UBE2J2: variants seen among roughly 807,000 people sequenced by gnomAD.
The protein encoded by UBE2J2 is ubiquitin-conjugating enzyme E2 J2.
Under a neutral mutation model 28.6 loss-of-function variants are expected in UBE2J2, and 5 were observed. The ratio of observed to expected loss-of-function variants is 0.17; its 90% CI spans 0.09 to 0.37. The LOEUF (loss-of-function observed/expected upper bound fraction) is 0.37, where lower values mean the gene tolerates loss of function less well. UBE2J2 is among the 10% of genes least tolerant of loss of function. The pLI is 1.00. For synonymous variants in UBE2J2, 138 were observed against 139.7 expected (o/e 0.99, Z 0.09); for missense variants, 226 against 338.9 (o/e 0.67, Z 2.62).
At chr1:1,263,130 G>A (rs115272858) in intron 3 of UBE2J2, 10,076 of 543,072 alleles carry the variant, frequency 0.019, 153 homozygotes, top group South Asian at 0.028. Context: ...GAACACAGAC[G>A]CTACAGGCGG....
intron 3 of UBE2J2, 80 bp from the exon 4 acceptor site, chr1:1,257,390 G>GC (rs1281055335): frequency 4.1e-4 from 72 of 177,626 alleles, no homozygotes; most frequent in Middle Eastern, 1.4e-3. Context: ...ATCCCCCCAC[G>GC]CCACCCCCCC....
chr1:1,264,046 T>A (rs1272812233), intron 2 of UBE2J2, among the ~76,000 whole-genome samples: 1 of 152,214 alleles, frequency 6.6e-6, no homozygotes, highest in Non-Finnish European at 1.5e-5. Context: ...TTATATATAA[T>A]GTGTTTTTTG....
At chr1:1,260,490 G>C (rs964260003) in intron 3 of UBE2J2, among the ~76,000 whole-genome samples, 12 of 151,958 alleles carry the variant, frequency 7.9e-5, no homozygotes, top group Non-Finnish European at 7.4e-5. Flanking sequence ...CTCACTGCGC[G>C]CACACCTATC....
In UBE2J2 at chr1:1,259,673, C is replaced by T. The variant is rs148750456; in HGVS notation, c.173-2363G>A. 7.0e-4 allele frequency among the ~76,000 whole-genome samples: 107 copies of T among 152,310 alleles called. 1 individual carries two copies. In the East Asian group the frequency reaches 0.017, roughly 24 times the overall value. On this transcript the variant is annotated intron_variant, in intron 3 of 6. Coordinates refer to ENST00000349431, the MANE Select transcript of UBE2J2 (RefSeq NM_058167.3). ...CATCCCCCTTCCTCGAGCTGATCCA[C>T]CCAGACGCCCGCCCTACGCACTGTC...
chr1:1,255,597 CTGTG>C, intron 6 of UBE2J2, 110 bp from the exon 7 acceptor site: 1 of 1,352,126 alleles, frequency 7.4e-7, no homozygotes, highest in Non-Finnish European at 1.0e-6. Context: ...AAGCCCTAGG[CTGTG>C]TCAAATTCCG....
Position 1,254,604 on chromosome 1 carries a change from A to AC in UBE2J2, c.*598dup, listed in dbSNP as rs56735717. 6.6e-6 allele frequency: 1 copy of AC among 151,984 alleles called. No individual in the cohort carries two copies. Among genetic ancestry groups the AC allele is most frequent in the East Asian group, 1.9e-4 (1 of 5,172 alleles). The allele number at this position is 151,984 out of a possible 1,614,324, so 9.4% of individuals were successfully genotyped here. A position where few individuals can be genotyped will look rare whatever the true frequency, so the allele number is the denominator to read the frequency against. On this transcript the variant is annotated 3_prime_UTR_variant, in exon 7 of 7. Coordinates refer to ENST00000349431, the MANE Select transcript of UBE2J2 (RefSeq NM_058167.3). ...GCTCCTGGCTTCCAGGGCAGCAAAA[A>AC]CCCCCAAGCACTTTCTAGAAGGAAT...
intron 3 of UBE2J2, chr1:1,262,157 G>C: frequency 3.0e-6 from 1 of 334,858 alleles, no homozygotes; most frequent in Non-Finnish European, 6.0e-6. Flanking sequence ...GCGCCCGGCC[G>C]ACCACTACTC....
In UBE2J2 at chr1:1,268,844, ATTTTTTT is replaced by A. The variant is rs371622000; in HGVS notation, c.1-859_1-853del. 0.022 allele frequency among the ~76,000 whole-genome samples: 3,177 copies of A among 147,078 alleles called. 111 individuals are homozygous for A. Among genetic ancestry groups the A allele is most frequent in the African/African-American group, 0.072 (2,894 of 40,446 alleles). ...AGACGCATGCCACCACGCCTAGCTA[ATTTTTTT>A]TTTTTTGTAGAGCTGGGATCTCACT... On this transcript the variant is annotated intron_variant, in intron 1 of 6. Transcript: ENST00000349431. This position sits in a 1 kb window ranked among gnomAD's most constrained non-coding sequence, Gnocchi z 4.7.
chr1:1,255,582 G>C lies in UBE2J2; in HGVS notation c.496-95C>G, dbSNP rs982073235. The C allele has an allele frequency of 2.1e-6, 3 of 1,417,476 alleles. No individual in the cohort carries two copies. The African/African-American group carries it at 4.3e-5, about 20-fold the overall frequency. 87.8% of individuals were successfully genotyped at this position (1,417,476 alleles called of 1,614,324 possible). Reference sequence around the variant, plus strand: ...TCAGGAGTCCACGGTCCACCACCAAGAACCAAGCCCTAGGCTGTGTCAAAT... The same window carrying C: ...TCAGGAGTCCACGGTCCACCACCAACAACCAAGCCCTAGGCTGTGTCAAAT... On this transcript the variant is annotated intron_variant, in intron 6 of 6. Coordinates refer to ENST00000349431, the MANE Select transcript of UBE2J2 (RefSeq NM_058167.3).
chr1:1,266,143 G>A (rs1225531177), intron 2 of UBE2J2: 2 of 1,303,826 alleles, frequency 1.5e-6, no homozygotes, highest in East Asian at 5.6e-5. Context: ...AACACTGGGG[G>A]CAGAGAGCAC....
At chr1:1,258,288 G>A (rs559503383) in intron 3 of UBE2J2, among the ~76,000 whole-genome samples, 2 of 152,076 alleles carry the variant, frequency 1.3e-5, no homozygotes, top group East Asian at 1.9e-4. Context: ...TGATCCGCCC[G>A]CCTCGGCCTC....
rs952421370 is a variant in UBE2J2 at position 1,254,945 on chromosome 1, G to A, written c.*258C>T. 1 of 419,166 alleles carries A rather than the reference G, an allele frequency of 2.4e-6. No individual in the cohort carries two copies. Among genetic ancestry groups the A allele is most frequent in the Non-Finnish European group, 4.2e-6 (1 of 236,218 alleles). 26.0% of individuals were successfully genotyped at this position (419,166 alleles called of 1,614,324 possible). On this transcript the variant is annotated 3_prime_UTR_variant, in exon 7 of 7. Coordinates refer to ENST00000349431, the MANE Select transcript of UBE2J2 (RefSeq NM_058167.3). ...ACTAAAACAGGTCCAAAGACAACAC[G>A]GAAGATAAGCTACAAATCCAGCACA...
chr1:1,256,918 T>C, intron 5 of UBE2J2, 74 bp downstream of exon 5: 1 of 949,092 alleles, frequency 1.1e-6, no homozygotes, highest in Non-Finnish European at 1.4e-6. Flanking sequence ...AAAAGGCAGC[T>C]GCAACTCAGG....
intron 2 of UBE2J2, chr1:1,263,604 T>G (rs1324135726): frequency 4.0e-6 from 2 of 494,964 alleles, no homozygotes; most frequent in Non-Finnish European, 7.4e-6. Context: ...TCTTAGAGAC[T>G]ATACTTTATA....
Position 1,263,340 on chromosome 1 carries a change from C to A in UBE2J2, c.172+6G>T, listed in dbSNP as rs1281521637. The A allele has an allele frequency of 6.2e-7, 1 of 1,612,764 alleles. No homozygotes were observed. ...GGTGTTCTTCTCCTAAGCACAGAAT[C>A]CTTACCTTCATAAGGGGTCATCTCT... is the stretch of plus-strand genomic sequence containing the variant. On this transcript the variant is annotated splice_donor_region_variant and intron_variant, in intron 3 of 6. Transcript: ENST00000349431.
At chr1:1,263,585 G>A (rs574947687) in intron 2 of UBE2J2, 199 bp from the exon 3 acceptor site, 7 of 564,036 alleles carry the variant, frequency 1.2e-5, no homozygotes, top group Admixed American at 3.0e-5. Flanking sequence ...TTAGTCTCTT[G>A]TAACAGGATC....
In UBE2J2 at chr1:1,255,382, C is replaced by T. The variant is rs375868349; in HGVS notation, c.601G>A (p.Gly201Arg). The part of the protein sequence containing the change: ...PDGETHLVQN[G>R]IQLLNGHAPG... Reference sequence around the variant, plus strand: ...GCATGCCCGTTGAGCAGCTGAATCCCGTTCTGGACGAGGTGCGTCTCCCCG... The same window carrying T: ...GCATGCCCGTTGAGCAGCTGAATCCTGTTCTGGACGAGGTGCGTCTCCCCG... The change falls in exon 7 of 7, where the codon GGG becomes AGG. Residue 201 changes from glycine (G) to arginine (R), a missense_variant. This residue lies in a region of UBE2J2 where 133 missense variants were observed against 161.5 expected (regional missense o/e 0.82). Transcript: ENST00000349431. 2 of 1,613,888 alleles carry T rather than the reference C, an allele frequency of 1.2e-6. No homozygotes were observed. Among genetic ancestry groups the T allele is most frequent in the African/African-American group, 1.3e-5 (1 of 75,072 alleles).
At chr1:1,272,492 C>A (rs1640203311) in intron 1 of UBE2J2, among the ~76,000 whole-genome samples, 5 of 152,220 alleles carry the variant, frequency 3.3e-5, no homozygotes. Context: ...AGGCGCATGG[C>A]ACACCCAGGT....
At chr1:1,261,650 G>A (rs1004309529) in intron 3 of UBE2J2, among the ~76,000 whole-genome samples, 3 of 150,162 alleles carry the variant, frequency 2.0e-5, no homozygotes, top group Non-Finnish European at 4.4e-5. Flanking sequence ...CACCCATTTT[G>A]GTTTTTTTTT....
Sources: allele counts gnomAD v4.1 joint callset (sites outside exome capture counted in the v4.1 genomes callset), GRCh38; gene constraint gnomAD v4.1.1; regional missense constraint gnomAD v4.1.1; non-coding constraint Gnocchi (gnomAD v3.1); transcripts MANE v1.5; gene names NCBI Gene and HGNC (gene_info 2026-07-23, HGNC 2026-07-21).